GLI2: variants seen among roughly 807,000 people sequenced by gnomAD.
The protein encoded by GLI2 is transcription activator GLI2.
In GLI2, 22 loss-of-function variants were observed where a neutral mutation model predicts 78.9. The observed-to-expected ratio is 0.28, with a 90% CI of 0.20 to 0.40. The LOEUF is 0.40. Among genes scored for constraint, GLI2 ranks in the 10% least tolerant of loss-of-function variants. The pLI, the probability that GLI2 is intolerant of heterozygous loss-of-function variation, is 1.00. For missense variants in GLI2, 2,097 were observed against 2,213.2 expected, an observed-to-expected ratio of 0.95 and a Z score of 1.05; for synonymous variants, 974 against 963.7, an observed-to-expected ratio of 1.01 and a Z score of -0.20.
At chr2:120,819,573 A>G (rs1685668612) in intron 2 of GLI2, among the ~76,000 whole-genome samples, 1 of 151,982 alleles carries the variant, frequency 6.6e-6, no homozygotes, top group African/African-American at 2.4e-5. Flanking sequence ...CTCGTTTTTA[A>G]TCTTCCTTTG....
chr2:120,990,434 C>G lies in GLI2; in HGVS notation c.4469C>G (p.Ala1490Gly), dbSNP rs757408573. The G allele has an allele frequency of 5.0e-6, 8 of 1,613,978 alleles. No individual in the cohort carries two copies. In the Admixed American group the frequency reaches 1.3e-4, roughly 27 times the overall value. ...ACTGTGGACTCCCAGCTCCTGGAGGCCCCCCAGATTGACTTCGATGCCATC... is the reference window on the plus strand; with the variant it reads ...ACTGTGGACTCCCAGCTCCTGGAGGGCCCCCAGATTGACTTCGATGCCATC... ...SSTVDSQLLE[A>G]PQIDFDAIMD... Residue 1490 changes from alanine to glycine, a missense_variant, in exon 14 of 14, where the codon GCC becomes GGC. This residue lies in a region of GLI2 where 1,290 missense variants were observed against 1,261.7 expected (regional missense o/e 1.02). Transcript: ENST00000361492.
chr2:120,875,315 T>C (rs1034332496), intron 2 of GLI2, among the ~76,000 whole-genome samples: 1 of 152,174 alleles, frequency 6.6e-6, no homozygotes, highest in Non-Finnish European at 1.5e-5. Flanking sequence ...GGACCACATC[T>C]AGAGGGAAGG....
chr2:120,877,288 G>C (rs1357236578), intron 2 of GLI2, among the ~76,000 whole-genome samples: 1 of 152,212 alleles, frequency 6.6e-6, no homozygotes. Flanking sequence ...TGTTTCTCCA[G>C]GGCCTTGTGT....
chr2:120,752,231 A>G lies in GLI2; in HGVS notation c.-31+15946A>G, dbSNP rs1682896074. ...TGTGTACATGTATGTATATGTGTGT[A>G]GATCATCTTCATTCACTTTATTTCT... On this transcript the variant is annotated intron_variant, in intron 1 of 13. Transcript: ENST00000361492. Among the ~76,000 whole-genome samples, 2 of 151,004 alleles carry G rather than the reference A, an allele frequency of 1.3e-5. 1 individual carries two copies. The highest frequency in any genetic ancestry group is 4.2e-4 in the South Asian group (2 of 4,756).
chr2:120,868,694 G>A (rs1180826642), intron 2 of GLI2, among the ~76,000 whole-genome samples: 1 of 152,242 alleles, frequency 6.6e-6, no homozygotes, highest in Non-Finnish European at 1.5e-5. Flanking sequence ...TCATGTCAGA[G>A]TGTGACTTGC....
At chr2:120,799,395 T>A (rs1248341915) in intron 2 of GLI2, among the ~76,000 whole-genome samples, 1 of 152,182 alleles carries the variant, frequency 6.6e-6, no homozygotes, top group Non-Finnish European at 1.5e-5. Flanking sequence ...GCCTGTTAGC[T>A]TCAGAGCAGT....
chr2:120,736,347 A>T (rs958832968), intron 1 of GLI2, 62 bp downstream of exon 1: 2 of 151,634 alleles, frequency 1.3e-5, no homozygotes, highest in African/African-American at 4.9e-5. Flanking sequence ...CACCTCGGCC[A>T]AGCGCGGGCC....
At chr2:120,894,061 C>T (rs927731581) in intron 2 of GLI2, among the ~76,000 whole-genome samples, 2 of 152,206 alleles carry the variant, frequency 1.3e-5, no homozygotes, top group Non-Finnish European at 2.9e-5. Context: ...AAGGCTGAGG[C>T]CCGAGAGGCC....
intron 2 of GLI2, among the ~76,000 whole-genome samples, chr2:120,874,048 G>A (rs1345009660): frequency 1.3e-5 from 2 of 152,126 alleles, no homozygotes; most frequent in Non-Finnish European, 2.9e-5. Flanking sequence ...TAGGACTTTG[G>A]TCACAGGGGA....
Position 120,989,987 on chromosome 2 carries a change from C to T in GLI2, c.4022C>T (p.Pro1341Leu), listed in dbSNP as rs780598328. Residue 1341 changes from proline to leucine, a missense_variant, in exon 14 of 14, where the codon CCG becomes CTG. Pro to Leu is a moderately conservative substitution (Grantham distance 98). Around this residue, in one of 5 missense-constraint regions of GLI2, gnomAD observed 1,290 missense variants for 1,261.7 expected, o/e 1.02. Coordinates refer to ENST00000361492, the MANE Select transcript of GLI2 (RefSeq NM_001374353.1). Reference protein sequence around the residue: ...QPGFMEPQTGPMGVATAGFGL... With the variant: ...QPGFMEPQTGLMGVATAGFGL... The stretch of plus-strand genomic sequence containing the variant: ...GGCTTCATGGAGCCCCAAACAGGCC[C>T]GATGGGGGTGGCTACAGCAGGCTTT... 9.9e-6 allele frequency: 16 copies of T among 1,610,190 alleles called. No individual in the cohort carries two copies. The highest frequency in any genetic ancestry group is 9.9e-5 in the South Asian group (9 of 90,668).
At chr2:120,826,070 G>A (rs539364589) in intron 2 of GLI2, among the ~76,000 whole-genome samples, 26 of 151,764 alleles carry the variant, frequency 1.7e-4, no homozygotes, top group African/African-American at 3.9e-4. Flanking sequence ...AGAGCAGAGC[G>A]TTGGGCCGTG....
At chr2:120,958,387 A>G (rs1309384970) in intron 5 of GLI2, among the ~76,000 whole-genome samples, 1 of 152,066 alleles carries the variant, frequency 6.6e-6, no homozygotes, top group Non-Finnish European at 1.5e-5. Context: ...GCCTAAGCCC[A>G]GGCCCCAGGT....
Position 120,989,011 on chromosome 2 carries a change from G to A in GLI2, c.3046G>A (p.Glu1016Lys), listed in dbSNP as rs1287203228. Reference protein sequence around the residue: ...AYSPRPPSISENVAMEAVAAG... With the variant: ...AYSPRPPSISKNVAMEAVAAG... ...CTCGCCCCGGCCGCCTAGCATCAGCGAGAACGTGGCGATGGAGGCCGTGGC... is the reference window on the plus strand; with the variant it reads ...CTCGCCCCGGCCGCCTAGCATCAGCAAGAACGTGGCGATGGAGGCCGTGGC... Residue 1016 changes from glutamate to lysine, a missense_variant, in exon 14 of 14, where the codon GAG becomes AAG. Coordinates refer to ENST00000361492, the MANE Select transcript of GLI2 (RefSeq NM_001374353.1). The A allele has an allele frequency of 6.2e-7, 1 of 1,600,786 alleles. No individual in the cohort carries two copies. The highest frequency in any genetic ancestry group is 1.1e-5 in the South Asian group (1 of 90,638).
intron 1 of GLI2, among the ~76,000 whole-genome samples, chr2:120,736,870 C>T (rs1160466231): frequency 6.7e-6 from 1 of 148,852 alleles, no homozygotes; most frequent in Non-Finnish European, 1.5e-5. Context: ...GGGCTCTCCT[C>T]CTCGGCCCCC....
intron 3 of GLI2, among the ~76,000 whole-genome samples, chr2:120,945,970 C>CACACACACACACACAG (rs1480981849): frequency 2.6e-5 from 4 of 151,520 alleles, no homozygotes; most frequent in Admixed American, 1.3e-4. Flanking sequence ...CACACACACA[C>CACACACACACACACAG]ACACACACAC....
At chr2:120,840,382 T>G (rs568478011) in intron 2 of GLI2, among the ~76,000 whole-genome samples, 2 of 152,316 alleles carry the variant, frequency 1.3e-5, no homozygotes, top group South Asian at 4.1e-4. Flanking sequence ...CTGGTGACTC[T>G]TGTGTGTGTG....
In GLI2 at chr2:120,963,456, C is replaced by T. The variant is rs200342371; in HGVS notation, c.644-5258C>T. ...TGCATCTTGTGTGTGTGTGTGTGTG[C>T]GCGCACGCGCATCCACCTGGGGTAT... On this transcript the variant is annotated intron_variant, in intron 5 of 13. Coordinates refer to ENST00000361492, the MANE Select transcript of GLI2 (RefSeq NM_001374353.1). Among the ~76,000 whole-genome samples, 23 of 147,846 alleles carry T rather than the reference C, an allele frequency of 1.6e-4. No homozygotes were observed. In the East Asian group the frequency reaches 3.1e-3, roughly 20 times the overall value.
rs555486010 is a variant in GLI2, at chr2:120,964,825, G to A, written c.644-3889G>A. On this transcript the variant is annotated intron_variant, in intron 5 of 13. Coordinates refer to ENST00000361492, the MANE Select transcript of GLI2 (RefSeq NM_001374353.1). ...GGACGGGACGTCCGCCTGGCCCTGG[G>A]CCTCTGCTGACCTCTCTGAAGATGG... Among the ~76,000 whole-genome samples the A allele has an allele frequency of 9.2e-5, 14 of 152,376 alleles. 2 individuals carry two copies. The South Asian group carries it at 2.9e-3, about 32-fold the overall frequency.
chr2:120,979,157 T>G (rs1183025743), intron 10 of GLI2, among the ~76,000 whole-genome samples: 1 of 152,050 alleles, frequency 6.6e-6, no homozygotes, highest in Non-Finnish European at 1.5e-5. Flanking sequence ...TTGTATTCTT[T>G]TGTAGAGATG....
Sources: gnomAD v4.1 joint callset for allele counts (sites outside exome capture counted in the v4.1 genomes callset) on GRCh38, gnomAD v4.1.1 for gene constraint, gnomAD v4.1.1 regional missense constraint, MANE v1.5 for transcripts, NCBI Gene and HGNC (gene_info 2026-07-23, HGNC 2026-07-21) for gene names.